The following NXPH1 variants were observed in gnomAD, a reference collection of about 807,000 sequenced individuals.
NXPH1 encodes the protein neurexophilin 1.
In NXPH1, 5 loss-of-function variants were observed where a neutral mutation model predicts 23.7. That is an observed-to-expected ratio of 0.21 (90% CI 0.11 to 0.44). NXPH1 has a LOEUF of 0.44. NXPH1 is among the 20% of genes least tolerant of loss of function. The pLI is 0.99. For missense variants in NXPH1, 324 were observed against 321.6 expected (o/e 1.01, Z -0.06); for synonymous variants, 144 against 122.2 (o/e 1.18, Z -1.18).
intron 2 of NXPH1, among the ~76,000 whole-genome samples, chr7:8,444,307 G>C (rs1194472641): frequency 6.6e-6 from 1 of 152,180 alleles, no homozygotes; most frequent in South Asian, 2.1e-4. Flanking sequence ...TGAAAAGAGC[G>C]GTCGGAAGGT....
At chr7:8,704,367 C>G (rs1235127924) in intron 2 of NXPH1, among the ~76,000 whole-genome samples, 1 of 152,084 alleles carries the variant, frequency 6.6e-6, no homozygotes, top group East Asian at 1.9e-4. Flanking sequence ...TCGATTCTCT[C>G]CATGCCATCA....
At chr7:8,645,115 G>A (rs1381619971) in intron 2 of NXPH1, among the ~76,000 whole-genome samples, 1 of 152,082 alleles carries the variant, frequency 6.6e-6, no homozygotes, top group Non-Finnish European at 1.5e-5. Flanking sequence ...TTTTTTATTA[G>A]AAACAATACT....
At chr7:8,591,870 C>G (rs1247288987) in intron 2 of NXPH1, among the ~76,000 whole-genome samples, 2 of 145,036 alleles carry the variant, frequency 1.4e-5, no homozygotes, top group African/African-American at 5.1e-5. Context: ...TTGATAGTCT[C>G]TTTAGTTGCA....
chr7:8,619,209 C>A (rs1819810916), intron 2 of NXPH1, among the ~76,000 whole-genome samples: 1 of 151,282 alleles, frequency 6.6e-6, no homozygotes, highest in African/African-American at 2.4e-5. Context: ...TTTGAAGGGG[C>A]ACTGATTTGT....
intron 2 of NXPH1, among the ~76,000 whole-genome samples, chr7:8,583,515 T>TATC (rs1818923227): frequency 6.6e-6 from 1 of 152,102 alleles, no homozygotes; most frequent in African/African-American, 2.4e-5. Flanking sequence ...TTGCTATCAT[T>TATC]ATTATTATTA....
At chr7:8,596,767 T>C (rs1404493724) in intron 2 of NXPH1, among the ~76,000 whole-genome samples, 4 of 152,130 alleles carry the variant, frequency 2.6e-5, no homozygotes, top group Admixed American at 2.0e-4. Flanking sequence ...AAGGCTGATG[T>C]TAGTACTTGA....
chr7:8,550,468 T>A (rs1008530810), intron 2 of NXPH1, among the ~76,000 whole-genome samples: 21 of 151,604 alleles, frequency 1.4e-4, no homozygotes, highest in African/African-American at 4.8e-4. Context: ...GAAGTCTTTT[T>A]TTCAGAGGCA....
chr7:8,497,967 G>A lies in NXPH1; in HGVS notation c.54+62200G>A, dbSNP rs544618710. 5.9e-5 allele frequency among the ~76,000 whole-genome samples: 9 copies of A among 152,136 alleles called. No individual in the cohort carries two copies. In the South Asian group the frequency reaches 1.9e-3, roughly 32 times the overall value. ...CTATGTCCTGAATGGTATTGCCTAG[G>A]TTTTCTTCTAGGGAATAACAACAGA... On this transcript the variant is annotated intron_variant, in intron 2 of 2. Transcript: ENST00000405863.
intron 2 of NXPH1, among the ~76,000 whole-genome samples, chr7:8,743,918 T>C (rs1780423893): frequency 2.0e-5 from 3 of 151,948 alleles, no homozygotes; most frequent in Admixed American, 1.3e-4. Context: ...CCTCCCGACC[T>C]TGTGATCCGC....
chr7:8,507,952 G>A (rs937098941), intron 2 of NXPH1, among the ~76,000 whole-genome samples: 1 of 152,070 alleles, frequency 6.6e-6, no homozygotes, highest in Non-Finnish European at 1.5e-5. Flanking sequence ...AAGGGAATAA[G>A]CTGATTAATG....
intron 2 of NXPH1, among the ~76,000 whole-genome samples, chr7:8,660,395 G>A (rs1409922465): frequency 1.3e-5 from 2 of 152,026 alleles, no homozygotes; most frequent in East Asian, 3.9e-4. Context: ...CATAAACACG[G>A]GTGAAAGTTT....
intron 2 of NXPH1, among the ~76,000 whole-genome samples, chr7:8,489,604 C>T (rs1404418416): frequency 6.6e-6 from 1 of 152,062 alleles, no homozygotes; most frequent in Non-Finnish European, 1.5e-5. Context: ...TCTTAGCCAA[C>T]ATTGGCCCAT....
At chr7:8,475,594 G>A (rs1816956150) in intron 2 of NXPH1, among the ~76,000 whole-genome samples, 1 of 152,096 alleles carries the variant, frequency 6.6e-6, no homozygotes, top group Admixed American at 6.6e-5. Context: ...TCTGCTAACT[G>A]CAACAAGGGA....
intron 2 of NXPH1, among the ~76,000 whole-genome samples, chr7:8,537,124 C>T (rs1456246244): frequency 1.3e-5 from 2 of 151,924 alleles, no homozygotes; most frequent in African/African-American, 4.8e-5. Flanking sequence ...TTTGTATTCC[C>T]TCTTGTACTC....
intron 2 of NXPH1, among the ~76,000 whole-genome samples, chr7:8,498,435 C>G (rs746480961): frequency 6.6e-6 from 1 of 152,080 alleles, no homozygotes; most frequent in Non-Finnish European, 1.5e-5. Flanking sequence ...ATCAGTCCCT[C>G]TATTTTTTCC....
At chr7:8,747,791 A>C (rs979920998) in intron 2 of NXPH1, among the ~76,000 whole-genome samples, 6 of 152,192 alleles carry the variant, frequency 3.9e-5, no homozygotes, top group African/African-American at 1.4e-4. Context: ...ACAGTCTCCC[A>C]AATCCAAAGG....
chr7:8,440,314 C>T (rs368295030), intron 2 of NXPH1, among the ~76,000 whole-genome samples: 1 of 152,206 alleles, frequency 6.6e-6, no homozygotes, highest in East Asian at 1.9e-4. Context: ...GCCCCATTTC[C>T]AGAAGGATTA....
At chr7:8,612,540 A>T (rs1163661873) in intron 2 of NXPH1, among the ~76,000 whole-genome samples, 1 of 152,058 alleles carries the variant, frequency 6.6e-6, no homozygotes, top group Admixed American at 6.6e-5. Flanking sequence ...TGAATTAATA[A>T]GCATTCATAT....
intron 2 of NXPH1, among the ~76,000 whole-genome samples, chr7:8,513,865 G>A (rs747405971): frequency 1.3e-5 from 2 of 152,204 alleles, no homozygotes; most frequent in African/African-American, 2.4e-5. Flanking sequence ...CAACAGAAAC[G>A]TATTGTCTCT....
Sources: gnomAD v4.1 joint callset for allele counts (sites outside exome capture counted in the v4.1 genomes callset) on GRCh38, gnomAD v4.1.1 for gene constraint, MANE v1.5 for transcripts, NCBI Gene and HGNC (gene_info 2026-07-23, HGNC 2026-07-21) for gene names.